AMPH: variants seen among roughly 807,000 people sequenced by gnomAD.
AMPH encodes amphiphysin (Stiff-Mann syndrome with breast cancer 128kD autoantigen).
AMPH carries 49 observed loss-of-function variants against 99.1 expected under a neutral mutation model. The observed-to-expected ratio is 0.49, with a 90% confidence interval of 0.39 to 0.63. The LOEUF (loss-of-function observed/expected upper bound fraction) is 0.63, where lower values mean the gene tolerates loss of function less well. AMPH is among the 20% of genes least tolerant of loss of function. The pLI, the probability that AMPH is intolerant of heterozygous loss-of-function variation, is 0.00. For synonymous variants in AMPH, 314 were observed against 317.3 expected, an observed-to-expected ratio of 0.99 and a Z score of 0.11; for missense variants, 759 against 863.4, an observed-to-expected ratio of 0.88 and a Z score of 1.52.
intron 1 of AMPH, among the ~76,000 whole-genome samples, chr7:38,609,523 A>G (rs1277225239): frequency 6.6e-6 from 1 of 152,194 alleles, no homozygotes; most frequent in Non-Finnish European, 1.5e-5. Flanking sequence ...AAAGGCAGTC[A>G]GTGAAGAATT....
At chr7:38,535,137 T>A in intron 1 of AMPH, 126 bp from the exon 2 acceptor site, 1 of 752,720 alleles carries the variant, frequency 1.3e-6, no homozygotes, top group Non-Finnish European at 2.2e-6. Flanking sequence ...TCAGCACTTC[T>A]AATTTTTCTG....
intron 17 of AMPH, among the ~76,000 whole-genome samples, chr7:38,397,246 G>C (rs1219877533): frequency 1.3e-5 from 2 of 152,172 alleles, no homozygotes; most frequent in African/African-American, 4.8e-5. Flanking sequence ...TTGGCTTTTA[G>C]TCTCAGTTGA....
intron 17 of AMPH, among the ~76,000 whole-genome samples, chr7:38,415,408 C>T (rs1241297876): frequency 2.6e-5 from 4 of 152,180 alleles, no homozygotes; most frequent in African/African-American, 9.7e-5. Context: ...ACGACAACCA[C>T]AGCCAGCCAA....
intron 7 of AMPH, among the ~76,000 whole-genome samples, chr7:38,474,862 G>A (rs1788025216): frequency 6.6e-6 from 1 of 152,140 alleles, no homozygotes; most frequent in Non-Finnish European, 1.5e-5. Flanking sequence ...AAAAGTCAGG[G>A]CTTAAAGTAG....
chr7:38,465,557 G>T lies in AMPH; in HGVS notation c.667-8C>A. The T allele has an allele frequency of 6.4e-7, 1 of 1,572,674 alleles. No individual in the cohort carries two copies. The highest frequency in any genetic ancestry group is 2.3e-5 in the East Asian group (1 of 43,668). On this transcript the variant is annotated splice_region_variant and splice_polypyrimidine_tract_variant and intron_variant, in intron 8 of 20. Transcript: ENST00000356264. ...ATACAGTTTGTGGCAAAGCTAAGGGGACAGAGGCCACTTGTCTATTAGTCA... is the reference window on the plus strand; with the variant it reads ...ATACAGTTTGTGGCAAAGCTAAGGGTACAGAGGCCACTTGTCTATTAGTCA...
chr7:38,459,085 A>G (rs1005598564), intron 11 of AMPH, among the ~76,000 whole-genome samples: 2 of 152,146 alleles, frequency 1.3e-5, no homozygotes, highest in African/African-American at 4.8e-5. Flanking sequence ...ACACCAATAA[A>G]GAGCCAGAAG....
At chr7:38,607,089 C>T (rs911039164) in intron 1 of AMPH, among the ~76,000 whole-genome samples, 22 of 152,172 alleles carry the variant, frequency 1.4e-4, no homozygotes, top group African/African-American at 5.3e-4. Context: ...CAGTGCCCAA[C>T]TCTTCAAAAT....
intron 11 of AMPH, among the ~76,000 whole-genome samples, chr7:38,451,102 A>G (rs1786996659): frequency 6.7e-6 from 1 of 148,366 alleles, no homozygotes; most frequent in Non-Finnish European, 1.5e-5. Flanking sequence ...TGTGTTGCCT[A>G]GACTGGTCCC....
In AMPH at chr7:38,616,950, T is replaced by C. The variant is rs375925011; in HGVS notation, c.69+14333A>G. 2.6e-5 allele frequency among the ~76,000 whole-genome samples: 4 copies of C among 152,260 alleles called. No individual in the cohort carries two copies. The South Asian group carries it at 8.3e-4, about 32-fold the overall frequency. On this transcript the variant is annotated intron_variant, in intron 1 of 20. Coordinates refer to ENST00000356264, the MANE Select transcript of AMPH (RefSeq NM_001635.4). ...AGCAGTAACACAGGATAGATATAGA[T>C]AAGATATAGATACAGATAGAAGTAG...
intron 4 of AMPH, among the ~76,000 whole-genome samples, chr7:38,493,362 A>G (rs10277878): frequency 0.28 from 42,248 of 152,112 alleles, 7,271 homozygotes; most frequent in African/African-American, 0.49. Flanking sequence ...TGTGACTGGC[A>G]GTTGTCTCAC....
chr7:38,515,346 C>A (rs139103708), intron 2 of AMPH, among the ~76,000 whole-genome samples: 2 of 152,196 alleles, frequency 1.3e-5, no homozygotes, highest in East Asian at 3.9e-4. Flanking sequence ...GGTGGACTTC[C>A]CCCTTGCTAT....
At chr7:38,561,811 G>C (rs777248077) in intron 1 of AMPH, among the ~76,000 whole-genome samples, 1 of 151,864 alleles carries the variant, frequency 6.6e-6, no homozygotes, top group Admixed American at 6.6e-5. Context: ...AGACACCAGC[G>C]TTTCCTCTCT....
chr7:38,414,714 G>T (rs1379235025), intron 17 of AMPH, among the ~76,000 whole-genome samples: 1 of 151,858 alleles, frequency 6.6e-6, no homozygotes, highest in East Asian at 1.9e-4. Flanking sequence ...GCCCTGGTTG[G>T]AGTGCAATGG....
Position 38,494,452 on chromosome 7 carries a change from T to A in AMPH, c.281A>T (p.Asp94Val). ...VYEPDWYGRE[D>V]VKMVGEKCDV... Reference sequence around the variant, plus strand: ...TCTTACCTCACCAACCATTTTCACATCTTCCCGCCCATACCAGTCAGGCTC... The same window carrying A: ...TCTTACCTCACCAACCATTTTCACAACTTCCCGCCCATACCAGTCAGGCTC... The change falls in exon 4 of 21, where the codon GAT (aspartate) becomes GTT (valine). Residue 94 changes from aspartate to valine, a missense_variant. Asp to Val is a radical substitution (Grantham distance 152). This residue lies in a region of AMPH where 205 missense variants were observed against 287.9 expected (regional missense o/e 0.71). Transcript: ENST00000356264. 1 of 1,613,810 alleles carries A rather than the reference T, an allele frequency of 6.2e-7. No individual in the cohort carries two copies. The highest frequency in any genetic ancestry group is 8.5e-7 in the Non-Finnish European group (1 of 1,179,786).
chr7:38,597,989 A>G (rs1317043581), intron 1 of AMPH, among the ~76,000 whole-genome samples: 1 of 152,176 alleles, frequency 6.6e-6, no homozygotes, highest in African/African-American at 2.4e-5. Flanking sequence ...CATCTTAGCT[A>G]TGAACTTATT....
At chr7:38,531,444 C>T (rs1326170578) in intron 2 of AMPH, 1 of 152,176 alleles carries the variant, frequency 6.6e-6, no homozygotes, top group Non-Finnish European at 1.5e-5. Flanking sequence ...TTTATCGATG[C>T]TCTCAGTCTC....
At chr7:38,436,422 T>C (rs772488377) in intron 11 of AMPH, 34 bp from the exon 12 acceptor site, 21 of 1,479,910 alleles carry the variant, frequency 1.4e-5, no homozygotes, top group Non-Finnish European at 1.9e-5. Context: ...AAATAAAACA[T>C]GTATTAGCTT....
At chr7:38,586,175 A>C (rs969955794) in intron 1 of AMPH, among the ~76,000 whole-genome samples, 2 of 152,218 alleles carry the variant, frequency 1.3e-5, no homozygotes, top group African/African-American at 4.8e-5. Context: ...TTAAATATGA[A>C]AATTTTCATC....
At chr7:38,616,944 T>C (rs1262715249) in intron 1 of AMPH, among the ~76,000 whole-genome samples, 1 of 152,202 alleles carries the variant, frequency 6.6e-6, no homozygotes, top group Middle Eastern at 3.2e-3. Context: ...ACAGGATAGA[T>C]ATAGATAAGA....
Sources: allele counts gnomAD v4.1 joint callset (sites outside exome capture counted in the v4.1 genomes callset), GRCh38; gene constraint gnomAD v4.1.1; regional missense constraint gnomAD v4.1.1; transcripts MANE v1.5; gene names NCBI Gene and HGNC (gene_info 2026-07-23, HGNC 2026-07-21).